The following DENND1B variants were observed in gnomAD, a reference collection of about 807,000 sequenced individuals.
DENND1B encodes the protein DENN domain-containing protein 1B.
In DENND1B, 59 loss-of-function variants were observed where a neutral mutation model predicts 90.1. The ratio of observed to expected loss-of-function variants is 0.65; its 90% CI spans 0.53 to 0.81. The LOEUF is 0.81. DENND1B is among the 40% of genes least tolerant of loss of function. DENND1B has a pLI of 0.00. For missense variants in DENND1B, 862 were observed against 912.6 expected, an observed-to-expected ratio of 0.94 and a Z score of 0.71; for synonymous variants, 337 against 324.6, an observed-to-expected ratio of 1.04 and a Z score of -0.41.
At chr1:197,723,179 G>C (rs963640680) in intron 2 of DENND1B, among the ~76,000 whole-genome samples, 6 of 152,114 alleles carry the variant, frequency 3.9e-5, no homozygotes, top group Non-Finnish European at 8.8e-5. Flanking sequence ...ATAACTCATA[G>C]CATGTTAGAT....
At chr1:197,651,046 A>C (rs1457545033) in intron 7 of DENND1B, among the ~76,000 whole-genome samples, 1 of 152,182 alleles carries the variant, frequency 6.6e-6, no homozygotes, top group Non-Finnish European at 1.5e-5. Context: ...ATTTTTAAAA[A>C]GAAGAAAGTT....
intron 10 of DENND1B, among the ~76,000 whole-genome samples, chr1:197,632,052 C>A (rs1679374200): frequency 1.3e-5 from 2 of 152,084 alleles, no homozygotes; most frequent in Non-Finnish European, 2.9e-5. Context: ...ACCTCACCTC[C>A]CTCTTAAGGT....
chr1:197,721,483 C>T (rs906858793), intron 2 of DENND1B, among the ~76,000 whole-genome samples: 11 of 151,142 alleles, frequency 7.3e-5, no homozygotes, highest in Non-Finnish European at 1.5e-5. Context: ...TAGCATTATG[C>T]GTCACATGTT....
intron 2 of DENND1B, among the ~76,000 whole-genome samples, chr1:197,725,901 C>A (rs1343958839): frequency 6.6e-6 from 1 of 151,822 alleles, no homozygotes; most frequent in African/African-American, 2.4e-5. Context: ...AAATAATGAA[C>A]CCAGTTATGA....
At chr1:197,534,338 C>G (rs1047938317) in intron 20 of DENND1B, among the ~76,000 whole-genome samples, 3 of 152,114 alleles carry the variant, frequency 2.0e-5, no homozygotes, top group East Asian at 1.9e-4. Flanking sequence ...CTGAGCATTT[C>G]AAATAATAGA....
In DENND1B at chr1:197,510,810, G is replaced by C. The variant is rs763135103; in HGVS notation, c.1978C>G (p.Leu660Val). Residue 660 changes from leucine to valine, a missense_variant, in exon 23 of 23, where the codon CTG becomes GTG. Leu to Val is a conservative substitution (Grantham distance 32). Transcript: ENST00000620048. ...CTGTTTTCCTCTTTCAGGATAAACA[G>C]AGAATCTGTCAAACCACTAGAGGAA... Reference protein sequence around the residue: ...RVSSSGLTDSLFILKEENSNK... With the variant: ...RVSSSGLTDSVFILKEENSNK... The C allele has an allele frequency of 1.2e-6, 2 of 1,612,200 alleles. No homozygotes were observed. The highest frequency in any genetic ancestry group is 1.3e-5 in the African/African-American group (1 of 74,720).
intron 13 of DENND1B, 98 bp downstream of exon 13, chr1:197,606,975 C>G: frequency 1.2e-6 from 1 of 855,394 alleles, no homozygotes; most frequent in Non-Finnish European, 1.9e-6. Flanking sequence ...ATACCCAACC[C>G]TTTTATTTCA....
At chr1:197,739,534 C>A (rs559532623) in intron 2 of DENND1B, among the ~76,000 whole-genome samples, 3 of 152,026 alleles carry the variant, frequency 2.0e-5, no homozygotes, top group Non-Finnish European at 2.9e-5. Flanking sequence ...AATAACCCAA[C>A]GGTCAAAGAA....
chr1:197,750,514 T>G (rs1653327562), intron 2 of DENND1B, among the ~76,000 whole-genome samples: 1 of 151,830 alleles, frequency 6.6e-6, no homozygotes, highest in Admixed American at 6.6e-5. Flanking sequence ...TGAATACAAA[T>G]GTATCAAACA....
intron 3 of DENND1B, 132 bp downstream of exon 3, chr1:197,714,897 TCA>T: frequency 1.4e-6 from 1 of 699,596 alleles, no homozygotes; most frequent in South Asian, 1.7e-5. Context: ...CATTTTTGTC[TCA>T]CAGTTGATCA....
intron 2 of DENND1B, among the ~76,000 whole-genome samples, chr1:197,753,509 T>C (rs1472721158): frequency 6.6e-6 from 1 of 152,004 alleles, no homozygotes; most frequent in Non-Finnish European, 1.5e-5. Context: ...ACCCATATAA[T>C]ATACAACATG....
chr1:197,703,571 G>A (rs1659244401), intron 3 of DENND1B, among the ~76,000 whole-genome samples: 1 of 152,124 alleles, frequency 6.6e-6, no homozygotes, highest in Non-Finnish European at 1.5e-5. Flanking sequence ...AGACCTCTGA[G>A]ATGTCTTAAA....
chr1:197,714,381 G>A (rs1049856422), intron 3 of DENND1B, among the ~76,000 whole-genome samples: 2 of 151,868 alleles, frequency 1.3e-5, no homozygotes, highest in African/African-American at 2.4e-5. Flanking sequence ...ATAACATAAA[G>A]TTTAAATGAT....
chr1:197,704,804 T>C (rs1659366416), intron 3 of DENND1B, among the ~76,000 whole-genome samples: 1 of 150,662 alleles, frequency 6.6e-6, no homozygotes, highest in East Asian at 1.9e-4. Flanking sequence ...TTAAGGGAGC[T>C]AAAATAAGTG....
At chr1:197,704,889 T>C (rs772029963) in intron 3 of DENND1B, among the ~76,000 whole-genome samples, 2 of 151,864 alleles carry the variant, frequency 1.3e-5, no homozygotes, top group Non-Finnish European at 2.9e-5. Flanking sequence ...CGCTTTTGAG[T>C]CAGACAAACA....
At chr1:197,671,468 T>C (rs904964676) in intron 5 of DENND1B, among the ~76,000 whole-genome samples, 6 of 152,178 alleles carry the variant, frequency 3.9e-5, no homozygotes, top group Admixed American at 2.0e-4. Flanking sequence ...GCTATTCAGT[T>C]CCAGCTTATT....
Position 197,756,158 on chromosome 1 carries a change from G to A in DENND1B, c.82+16710C>T, listed in dbSNP as rs1050942067. On this transcript the variant is annotated intron_variant, in intron 2 of 22. Transcript: ENST00000620048. ...CATAGTCTAGGAAGGAAGAATTAAG[G>A]AACAGAATATTTTGATTAACTAACT... 9.8e-5 allele frequency among the ~76,000 whole-genome samples: 15 copies of A among 152,318 alleles called. No individual in the cohort carries two copies. In the East Asian group the frequency reaches 1.2e-3, roughly 12 times the overall value.
intron 15 of DENND1B, among the ~76,000 whole-genome samples, chr1:197,556,284 A>G (rs762946838): frequency 2.0e-5 from 3 of 151,972 alleles, no homozygotes; most frequent in Non-Finnish European, 4.4e-5. Context: ...TGAGATTATT[A>G]GAAGCCCAAA....
intron 3 of DENND1B, among the ~76,000 whole-genome samples, chr1:197,697,609 T>G (rs1658570395): frequency 6.6e-6 from 1 of 151,664 alleles, no homozygotes; most frequent in South Asian, 2.1e-4. Flanking sequence ...GCACTCCAAT[T>G]AGAAGTAGAG....
Sources: gnomAD v4.1 joint callset for allele counts (sites outside exome capture counted in the v4.1 genomes callset) on GRCh38, gnomAD v4.1.1 for gene constraint, MANE v1.5 for transcripts, NCBI Gene and HGNC (gene_info 2026-07-23, HGNC 2026-07-21) for gene names.